LIMS1: variants seen among roughly 807,000 people sequenced by gnomAD.
The protein encoded by LIMS1 is LIM zinc finger domain containing 1, also known as LIM and senescent cell antigen-like-containing domain protein 1.
LIMS1 carries 18 observed loss-of-function variants against 44.1 expected under a neutral mutation model. That is an observed-to-expected ratio of 0.41 (90% CI 0.28 to 0.61). The LOEUF is 0.61. Ranked by LOEUF, LIMS1 falls within the 20% of genes least tolerant of loss-of-function variation. The pLI is 0.32. For synonymous variants in LIMS1, 93 were observed against 149.1 expected, an observed-to-expected ratio of 0.62 and a Z score of 2.74; for missense variants, 201 against 422.0, an observed-to-expected ratio of 0.48 and a Z score of 4.59.
chr2:108,574,533 T>C (rs985122414), intron 1 of LIMS1, among the ~76,000 whole-genome samples: 2 of 152,152 alleles, frequency 1.3e-5, no homozygotes, highest in Admixed American at 1.3e-4. Context: ...TTCTGTGCTC[T>C]CTCACCTCCT....
chr2:108,542,760 A>C (rs1335134842), intron 1 of LIMS1, among the ~76,000 whole-genome samples: 1 of 152,072 alleles, frequency 6.6e-6, no homozygotes, highest in African/African-American at 2.4e-5. Context: ...AAGTCTTACA[A>C]CTCAAGTCCC....
intron 1 of LIMS1, among the ~76,000 whole-genome samples, chr2:108,544,242 C>T (rs969365207): frequency 6.6e-6 from 1 of 152,146 alleles, no homozygotes; most frequent in South Asian, 2.1e-4. Context: ...AGAGGCCTGG[C>T]TTATTTGGAA....
chr2:108,676,141 C>T, intron 6 of LIMS1, 113 bp downstream of exon 6: 1 of 1,333,498 alleles, frequency 7.5e-7, no homozygotes, highest in Non-Finnish European at 1.0e-6. Context: ...TTCAAATCTT[C>T]ATGATTCAGG....
At chr2:108,591,360 G>A (rs1047633864) in intron 1 of LIMS1, among the ~76,000 whole-genome samples, 5 of 152,168 alleles carry the variant, frequency 3.3e-5, no homozygotes, top group Admixed American at 6.5e-5. Context: ...GGCGTTGTCA[G>A]AGGCGTGGGA....
At chr2:108,654,239 T>G (rs142500142) in intron 1 of LIMS1, among the ~76,000 whole-genome samples, 1,824 of 152,164 alleles carry the variant, frequency 0.012, 42 homozygotes, top group African/African-American at 0.042. Context: ...GACAGGAGTG[T>G]GAACTGAATA....
At chr2:108,657,607 TG>T in intron 1 of LIMS1, among the ~76,000 whole-genome samples, 1 of 152,412 alleles carries the variant, frequency 6.6e-6, no homozygotes, top group South Asian at 2.1e-4. Context: ...AGCTGGGCGA[TG>T]ATGAGAATTT....
At chr2:108,603,864 T>C (rs1453194995) in intron 1 of LIMS1, among the ~76,000 whole-genome samples, 1 of 152,218 alleles carries the variant, frequency 6.6e-6, no homozygotes, top group African/African-American at 2.4e-5. Flanking sequence ...TCTTTTCTTC[T>C]ATTATTAATT....
At chr2:108,671,101 G>A (rs943971085) in intron 3 of LIMS1, 39 of 463,040 alleles carry the variant, frequency 8.4e-5, no homozygotes, top group Non-Finnish European at 1.2e-4. Context: ...AACCCAGGGG[G>A]CAGAGGTTGC....
chr2:108,631,033 A>G lies in LIMS1; in HGVS notation c.33-28572A>G, dbSNP rs368912153. On this transcript the variant is annotated intron_variant, in intron 1 of 9. Transcript: ENST00000544547. ...ATGGAATTGTTTGATTTTTCAGACA[A>G]TTAAAATTTATTATGACAGGATGAA... Among the ~76,000 whole-genome samples the G allele has an allele frequency of 7.2e-5, 11 of 152,336 alleles. 1 individual carries two copies. The East Asian group carries it at 1.5e-3, about 21-fold the overall frequency.
intron 2 of LIMS1, among the ~76,000 whole-genome samples, chr2:108,665,254 C>T (rs1004805675): frequency 3.3e-5 from 5 of 152,188 alleles, no homozygotes; most frequent in African/African-American, 1.2e-4. Context: ...TACAACACAT[C>T]TAGTCTATAT....
At chr2:108,591,508 A>G (rs1205829124) in intron 1 of LIMS1, among the ~76,000 whole-genome samples, 3 of 152,162 alleles carry the variant, frequency 2.0e-5, no homozygotes, top group Non-Finnish European at 4.4e-5. Context: ...CACCCAGGCT[A>G]CAGTACAGTG....
At chr2:108,611,958 T>TACATATATATAAAATATATATACA (rs1439833875) in intron 1 of LIMS1, among the ~76,000 whole-genome samples, 12 of 141,898 alleles carry the variant, frequency 8.5e-5, no homozygotes, top group African/African-American at 3.3e-4. Flanking sequence ...TATACATATA[T>TACATATATATAAAATATATATACA]TATATATACA....
At chr2:108,619,260 A>G (rs1688100492) in intron 1 of LIMS1, among the ~76,000 whole-genome samples, 1 of 151,982 alleles carries the variant, frequency 6.6e-6, no homozygotes, top group South Asian at 2.1e-4. Context: ...GGATTTCTGT[A>G]TTTACAATGA....
chr2:108,653,104 G>C (rs1407764696), intron 1 of LIMS1, among the ~76,000 whole-genome samples: 1 of 152,074 alleles, frequency 6.6e-6, no homozygotes, highest in Non-Finnish European at 1.5e-5. Flanking sequence ...AGATTTTTAG[G>C]GTTCAAAGTA....
intron 5 of LIMS1, chr2:108,673,272 A>G (rs1457858590): frequency 6.6e-6 from 4 of 603,118 alleles, no homozygotes; most frequent in Non-Finnish European, 1.2e-5. Flanking sequence ...TCACCCTCCT[A>G]TGTATGTGTG....
chr2:108,595,437 A>G (rs187772652), intron 1 of LIMS1, among the ~76,000 whole-genome samples: 11 of 152,158 alleles, frequency 7.2e-5, no homozygotes, highest in African/African-American at 2.2e-4. Flanking sequence ...TCAGACTGCT[A>G]TTCCAGCAAA....
intron 1 of LIMS1, among the ~76,000 whole-genome samples, chr2:108,572,891 C>G (rs1003129825): frequency 4.6e-5 from 7 of 152,282 alleles, no homozygotes; most frequent in African/African-American, 1.7e-4. Flanking sequence ...CTCTCTTGTC[C>G]TAGAACCCAC....
chr2:108,568,771 C>T (rs1241382003), intron 1 of LIMS1, among the ~76,000 whole-genome samples: 1 of 152,176 alleles, frequency 6.6e-6, no homozygotes, highest in Admixed American at 6.5e-5. Flanking sequence ...ATTTGCATTT[C>T]TGATGATCAG....
At chr2:108,535,847 AGTT>A (rs1164798983) in intron 1 of LIMS1, among the ~76,000 whole-genome samples, 2 of 152,200 alleles carry the variant, frequency 1.3e-5, no homozygotes, top group Non-Finnish European at 2.9e-5. Flanking sequence ...CTAGTTTGTC[AGTT>A]GTTCTTTCCC....
Sources: allele counts gnomAD v4.1 joint callset (sites outside exome capture counted in the v4.1 genomes callset), GRCh38; gene constraint gnomAD v4.1.1; transcripts MANE v1.5; gene names NCBI Gene and HGNC (gene_info 2026-07-23, HGNC 2026-07-21).